The following MROH2A variants were observed in gnomAD, a reference collection of about 807,000 sequenced individuals.
MROH2A encodes the protein maestro heat-like repeat-containing protein family member 2A.
In MROH2A, 174 loss-of-function variants were observed where a neutral mutation model predicts 200.4. The observed-to-expected ratio is 0.87, with a 90% CI of 0.77 to 0.98. The LOEUF is 0.98. Ranked by LOEUF, MROH2A falls within the 50% of genes least tolerant of loss-of-function variation. MROH2A has a pLI of 0.00. For missense variants in MROH2A, 2,045 were observed against 2,139.6 expected (o/e 0.96, Z 0.87); for synonymous variants, 829 against 840.4 (o/e 0.99, Z 0.23).
intron 4 of MROH2A, 88 bp downstream of exon 4, chr2:233,789,716 G>C: frequency 6.9e-7 from 1 of 1,453,730 alleles, no homozygotes; most frequent in Non-Finnish European, 9.1e-7. Context: ...CCACAGCCCT[G>C]TGCAGTTACC....
chr2:233,800,532 G>A (rs1446025680), intron 14 of MROH2A, among the ~76,000 whole-genome samples: 2 of 152,218 alleles, frequency 1.3e-5, no homozygotes, highest in Non-Finnish European at 2.9e-5. Flanking sequence ...CCTAGAGGCT[G>A]GGCAGTGCAC....
At chr2:233,792,289 T>C (rs565996308) in intron 5 of MROH2A, among the ~76,000 whole-genome samples, 14 of 151,702 alleles carry the variant, frequency 9.2e-5, no homozygotes, top group African/African-American at 3.4e-4. Flanking sequence ...CCTGGCTTTC[T>C]TCCTGTGTCA....
Position 233,807,941 on chromosome 2 carries a change from A to C in MROH2A, c.2295+86A>C. On this transcript the variant is annotated intron_variant, in intron 21 of 41. Coordinates refer to ENST00000389758, the MANE Select transcript of MROH2A (RefSeq NM_001394639.1). The surrounding 1 kb of genome is among the most constrained non-coding windows in gnomAD (Gnocchi z 4.3). ...TGACACAAAGTCCTTTCTAGATCTC[A>C]GTAGGAAACTTGCCTCACACGGAGT... 22 of 1,506,060 alleles carry C rather than the reference A, an allele frequency of 1.5e-5. No individual in the cohort carries two copies. Among genetic ancestry groups the C allele is most frequent in the Non-Finnish European group, 1.8e-5 (20 of 1,110,992 alleles). The allele number at this position is 1,506,060 out of a possible 1,614,324, so 93.3% of individuals were successfully genotyped here.
intron 16 of MROH2A, among the ~76,000 whole-genome samples, 153 bp from the exon 17 acceptor site, chr2:233,803,898 A>G (rs1289021901): frequency 6.6e-6 from 1 of 152,072 alleles, no homozygotes; most frequent in African/African-American, 2.4e-5. Context: ...TCCTTCCTGT[A>G]GTGTCCTCTG....
In MROH2A at chr2:233,779,447, A is replaced by C; in HGVS notation, c.89A>C (p.Asp30Ala). Residue 30 changes from aspartate to alanine, a missense_variant, in exon 2 of 42, where the codon GAC becomes GCC. By Grantham distance (126) the Asp-to-Ala change is moderately radical. Transcript: ENST00000389758. The part of the protein sequence containing the change: ...RDDLGPLELH[D>A]SGTFQQVVNL... ...GACCTGGGGCCTCTTGAATTACATGACAGTGGTAAGAATGTCATCCACATT... is the reference window on the plus strand; with the variant it reads ...GACCTGGGGCCTCTTGAATTACATGCCAGTGGTAAGAATGTCATCCACATT... 1 of 1,548,164 alleles carries C rather than the reference A, an allele frequency of 6.5e-7. No homozygotes were observed. The highest frequency in any genetic ancestry group is 8.7e-7 in the Non-Finnish European group (1 of 1,145,016).
intron 24 of MROH2A, among the ~76,000 whole-genome samples, chr2:233,812,595 G>A (rs1703234201): frequency 6.6e-6 from 1 of 152,162 alleles, no homozygotes; most frequent in African/African-American, 2.4e-5. Flanking sequence ...TAAGCACAAT[G>A]ATATGCTGAG....
Position 233,820,200 on chromosome 2 carries a change from T to A in MROH2A, c.3512+144T>A, listed in dbSNP as rs1026515679. 1.5e-6 allele frequency: 1 copy of A among 676,128 alleles called. No individual in the cohort carries two copies. The allele number at this position is 676,128 out of a possible 1,614,324, so 41.9% of individuals were successfully genotyped here. ...GAGGTCGAAGCCCTCTTCCTGTACC[T>A]CCTGCAGGAGGTGCCAGCCTCCGAC... On this transcript the variant is annotated intron_variant, in intron 31 of 41. Transcript: ENST00000389758. This position sits in a 1 kb window ranked among gnomAD's most constrained non-coding sequence, Gnocchi z 4.1.
intron 22 of MROH2A, among the ~76,000 whole-genome samples, chr2:233,809,966 C>G (rs1422911272): frequency 1.3e-5 from 2 of 152,194 alleles, no homozygotes; most frequent in Admixed American, 1.3e-4. Context: ...GTGGCTTTGA[C>G]TAGTCCAGGT....
chr2:233,822,344 C>T lies in MROH2A; in HGVS notation c.3673-19C>T. On this transcript the variant is annotated intron_variant, in intron 32 of 41. Coordinates refer to ENST00000389758, the MANE Select transcript of MROH2A (RefSeq NM_001394639.1). ...GGTCTCTGGGTAGGAGCCCGATGCCCTGGACCTTCTCTCTGCAGACCCTGT... is the reference window on the plus strand; with the variant it reads ...GGTCTCTGGGTAGGAGCCCGATGCCTTGGACCTTCTCTCTGCAGACCCTGT... 2 of 1,549,530 alleles carry T rather than the reference C, an allele frequency of 1.3e-6. No homozygotes were observed. The highest frequency in any genetic ancestry group is 2.4e-5 in the East Asian group (1 of 40,872).
At chr2:233,811,349 T>C (rs1703142546) in intron 23 of MROH2A, among the ~76,000 whole-genome samples, 1 of 152,226 alleles carries the variant, frequency 6.6e-6, no homozygotes, top group Non-Finnish European at 1.5e-5. Flanking sequence ...CAAAGGCTGA[T>C]GGAACCTGTG....
chr2:233,807,786 G>T lies in MROH2A; in HGVS notation c.2226G>T (p.Leu742=). Residue 742 remains leucine (L), a synonymous_variant, in exon 21 of 42, where the codon CTG becomes CTT. Transcript: ENST00000389758. The surrounding 1 kb of genome is among the most constrained non-coding windows in gnomAD (Gnocchi z 4.3). ...LCARGQVKTV[L]NVLHDFEERI... ...CCCGGGGCCAGGTAAAAACGGTGCT[G>T]AATGTGCTTCATGACTTCGAGGAGA... 1 of 1,550,862 alleles carries T rather than the reference G, an allele frequency of 6.4e-7. No homozygotes were observed. Among genetic ancestry groups the T allele is most frequent in the South Asian group, 1.2e-5 (1 of 84,062 alleles).
At chr2:233,792,685 G>C in intron 5 of MROH2A, 111 bp from the exon 6 acceptor site, 1 of 690,748 alleles carries the variant, frequency 1.4e-6, no homozygotes, top group African/African-American at 1.8e-5. Context: ...GGCTAAGCCA[G>C]CTCTGGACTG....
chr2:233,799,631 G>C, intron 12 of MROH2A, 149 bp from the exon 13 acceptor site: 1 of 988,040 alleles, frequency 1.0e-6, no homozygotes, highest in South Asian at 1.7e-5. Context: ...ATGAGGCAGG[G>C]GGAGGTGGAC....
At position 233,813,777 on chromosome 2, in the gene MROH2A, A is replaced by T. The variant is rs1207200656; in HGVS notation, c.2759A>T (p.Lys920Met). Reference sequence around the variant, plus strand: ...CCAGGAGAGGACAATGAGTCCATTAAGGTAGGTCCCTCTGGGATGCCTCAT... The same window carrying T: ...CCAGGAGAGGACAATGAGTCCATTATGGTAGGTCCCTCTGGGATGCCTCAT... ...QLPGEDNESI[K>M]TLYANALSSL... Residue 920 changes from lysine (K) to methionine (M), a missense_variant and splice_region_variant, in exon 25 of 42, where the codon AAG becomes ATG. This residue lies in a region of MROH2A where 1,201 missense variants were observed against 1,311.3 expected (regional missense o/e 0.92). Transcript: ENST00000389758. 6.6e-7 allele frequency: 1 copy of T among 1,526,376 alleles called. No individual in the cohort carries two copies. The highest frequency in any genetic ancestry group is 8.9e-7 in the Non-Finnish European group (1 of 1,125,390). 94.6% of individuals were successfully genotyped at this position (1,526,376 alleles called of 1,614,324 possible).
At chr2:233,781,939 A>G (rs1048950681) in intron 3 of MROH2A, among the ~76,000 whole-genome samples, 2 of 152,124 alleles carry the variant, frequency 1.3e-5, no homozygotes, top group Non-Finnish European at 2.9e-5. Flanking sequence ...TCTTCTGCAT[A>G]TGGTTATCCA....
In MROH2A at chr2:233,806,725, A is replaced by G. The variant is rs535289834; in HGVS notation, c.2053-698A>G. 2.0e-5 allele frequency among the ~76,000 whole-genome samples: 3 copies of G among 152,236 alleles called. No individual in the cohort carries two copies. The South Asian group carries it at 6.2e-4, about 32-fold the overall frequency. On this transcript the variant is annotated intron_variant, in intron 19 of 41. Coordinates refer to ENST00000389758, the MANE Select transcript of MROH2A (RefSeq NM_001394639.1). ...GAACAAACTTACCCCTCCCCCTTTA[A>G]CACGTATAACATGCCTGCCCTTATG...
Position 233,794,873 on chromosome 2 carries a change from G to C in MROH2A, c.966+367G>C, listed in dbSNP as rs139141168. Among the ~76,000 whole-genome samples, 379 of 152,042 alleles carry C rather than the reference G, an allele frequency of 2.5e-3. 2 individuals are homozygous for C. Among genetic ancestry groups the C allele is most frequent in the African/African-American group, 8.9e-3 (369 of 41,434 alleles). On this transcript the variant is annotated intron_variant, in intron 8 of 41. Coordinates refer to ENST00000389758, the MANE Select transcript of MROH2A (RefSeq NM_001394639.1). ...GTCAGGAGTCCAAACTCAGGGTGTC[G>C]GCAGGGCTGTGCTCCTTCTGAAGGC...
At position 233,827,566 on chromosome 2, in the gene MROH2A, T is replaced by C. The variant is rs1576017549; in HGVS notation, c.4114-1064T>C. 2.0e-5 allele frequency among the ~76,000 whole-genome samples: 3 copies of C among 152,120 alleles called. No individual in the cohort carries two copies. The East Asian group carries it at 5.8e-4, about 29-fold the overall frequency. On this transcript the variant is annotated intron_variant, in intron 35 of 41. Transcript: ENST00000389758. ...AGAGGACCAACACACACTGGGCCTG[T>C]TGGGAGTGGGGTGGGGGAAGAGAGA...
intron 19 of MROH2A, among the ~76,000 whole-genome samples, chr2:233,805,842 G>A (rs944557069): frequency 4.6e-5 from 7 of 152,126 alleles, no homozygotes; most frequent in Non-Finnish European, 8.8e-5. Flanking sequence ...TCAACAAATG[G>A]GGCTAGGGTA....
Sources: allele counts gnomAD v4.1 joint callset (sites outside exome capture counted in the v4.1 genomes callset), GRCh38; gene constraint gnomAD v4.1.1; regional missense constraint gnomAD v4.1.1; non-coding constraint Gnocchi (gnomAD v3.1); transcripts MANE v1.5; gene names NCBI Gene and HGNC (gene_info 2026-07-23, HGNC 2026-07-21).